The following PRELID2 variants were observed in gnomAD, a reference collection of about 807,000 sequenced individuals.
The protein encoded by PRELID2 is PRELI domain containing 2.
A neutral mutation model predicts 28.4 loss-of-function variants in PRELID2; 25 were observed. The observed-to-expected ratio is 0.88, with a 90% CI of 0.64 to 1.23. The LOEUF is 1.23. Among genes scored for constraint, PRELID2 ranks in the 50% most tolerant of loss-of-function variants. The probability of loss-of-function intolerance (pLI) is 0.00; values close to 1 mark genes in which losing one functional copy is unlikely to be tolerated. For synonymous variants in PRELID2, 76 were observed against 71.6 expected, an observed-to-expected ratio of 1.06 and a Z score of -0.31; for missense variants, 201 against 214.4, an observed-to-expected ratio of 0.94 and a Z score of 0.39.
chr5:145,441,080 A>C, the PRELID2 span: 1 of 152,104 alleles, frequency 6.6e-6, no homozygotes, highest in African/African-American at 2.4e-5. Flanking sequence ...CTTCTTGCAA[A>C]GACAAAAATG....
intron 1 of PRELID2, among the ~76,000 whole-genome samples, chr5:145,590,141 T>C (rs531938561): frequency 4.7e-4 from 72 of 152,290 alleles, no homozygotes; most frequent in African/African-American, 1.7e-3. Flanking sequence ...GGCTTTTTCT[T>C]ATTCTTAAAA....
chr5:145,373,792 A>T, the PRELID2 span, among the ~76,000 whole-genome samples: 41 of 73,472 alleles, frequency 5.6e-4, 1 homozygote, highest in East Asian at 1.7e-3. Flanking sequence ...TATATGATAT[A>T]ATATATTACA....
At position 145,790,701 on chromosome 5, in the gene PRELID2, T is replaced by TTGTGTGTGTGTG. The variant is rs148531864; in HGVS notation, c.474+5729_474+5740dup. Among the ~76,000 whole-genome samples the TTGTGTGTGTGTG allele has an allele frequency of 9.6e-3, 1,012 of 104,890 alleles. 13 individuals are homozygous for TTGTGTGTGTGTG. The highest frequency in any genetic ancestry group is 0.014 in the Admixed American group (125 of 9,124). The allele number at this position is 104,890 out of a possible 152,430, so 68.8% of individuals were successfully genotyped here. On this transcript the variant is annotated intron_variant, in intron 5 of 6. Transcript: ENST00000683046. ...ATAAGCTTGAATTAATAATTCCACA[T>TTGTGTGTGTGTG]TGTGTGTGTGTGTGTGTGTGTATAT... is the stretch of plus-strand genomic sequence containing the variant.
the PRELID2 span, among the ~76,000 whole-genome samples, chr5:145,457,212 C>G: frequency 6.6e-6 from 1 of 152,058 alleles, no homozygotes; most frequent in African/African-American, 2.4e-5. Context: ...CACTTACTCT[C>G]CATGTGACAC....
At position 145,492,993 on chromosome 5, in the gene PRELID2, C is replaced by T. The variant is rs1752281188; in HGVS notation, n.71-19678G>A. Among the ~76,000 whole-genome samples the T allele has an allele frequency of 1.4e-5, 2 of 140,634 alleles. 1 individual carries two copies. The highest frequency in any genetic ancestry group is 1.4e-4 in the Admixed American group (2 of 14,002). 92.3% of individuals were successfully genotyped at this position (140,634 alleles called of 152,430 possible). A position where few individuals can be genotyped will look rare whatever the true frequency, so the allele number is the denominator to read the frequency against. On this transcript the variant is annotated intron_variant and non_coding_transcript_variant, in intron 1 of 2. Transcript: ENST00000510259. Reference sequence around the variant, plus strand: ...TTCTGTATTCACTTCCCTCTCTTTGCCCCAAGCTGATGGTATCTCTCTCAG... The same window carrying T: ...TTCTGTATTCACTTCCCTCTCTTTGTCCCAAGCTGATGGTATCTCTCTCAG...
chr5:145,545,608 C>T (rs1239045780), intron 1 of PRELID2, among the ~76,000 whole-genome samples: 1 of 152,060 alleles, frequency 6.6e-6, no homozygotes. Context: ...CGATCTAGCA[C>T]CATTTTTAAA....
the PRELID2 span, among the ~76,000 whole-genome samples, chr5:145,285,019 A>G: frequency 2.2e-3 from 333 of 152,242 alleles, 2 homozygotes; most frequent in African/African-American, 7.7e-3. Context: ...CATCTTCACA[A>G]CAACTCTGAG....
At chr5:145,426,163 T>C in the PRELID2 span, among the ~76,000 whole-genome samples, 118 of 152,324 alleles carry the variant, frequency 7.7e-4, no homozygotes, top group Non-Finnish European at 1.3e-3. Flanking sequence ...TTTAAAGTGA[T>C]CCTGTGGTTT....
intron 4 of PRELID2, among the ~76,000 whole-genome samples, chr5:145,804,885 T>C (rs1022488117): frequency 2.6e-5 from 4 of 152,192 alleles, no homozygotes; most frequent in African/African-American, 9.7e-5. Flanking sequence ...GAGGCTTGTC[T>C]TGGGATATCA....
chr5:145,454,821 G>A, the PRELID2 span, among the ~76,000 whole-genome samples: 5 of 151,992 alleles, frequency 3.3e-5, no homozygotes, highest in Non-Finnish European at 5.9e-5. Flanking sequence ...CTTTTTGATG[G>A]GATTGTTTGC....
At chr5:145,816,966 C>A (rs549899391) in intron 4 of PRELID2, among the ~76,000 whole-genome samples, 1 of 151,736 alleles carries the variant, frequency 6.6e-6, no homozygotes, top group East Asian at 1.9e-4. Context: ...TTGAGACCAG[C>A]CTGGGCAACA....
intron 1 of PRELID2, among the ~76,000 whole-genome samples, chr5:145,745,432 A>G (rs1028568700): frequency 6.6e-6 from 1 of 152,194 alleles, no homozygotes; most frequent in Admixed American, 6.5e-5. Flanking sequence ...GTTGAAATGA[A>G]GGAAAAAATG....
At chr5:145,683,233 C>T (rs1754972322) in intron 1 of PRELID2, among the ~76,000 whole-genome samples, 1 of 152,076 alleles carries the variant, frequency 6.6e-6, no homozygotes. Flanking sequence ...CCTGAGTTCT[C>T]CCATTTGCAA....
the PRELID2 span, among the ~76,000 whole-genome samples, chr5:145,426,966 G>A: frequency 2.4e-4 from 37 of 152,288 alleles, no homozygotes; most frequent in African/African-American, 7.9e-4. Context: ...AGGCTTTTTT[G>A]TTCGGCAACT....
rs1019945525 is a variant in PRELID2 at position 145,548,085 on chromosome 5, A to G, written n.71-74770T>C. Among the ~76,000 whole-genome samples the G allele has an allele frequency of 6.9e-4, 105 of 152,340 alleles. 1 individual carries two copies. The highest frequency in any genetic ancestry group is 2.4e-3 in the African/African-American group (101 of 41,582). On this transcript the variant is annotated intron_variant and non_coding_transcript_variant, in intron 1 of 2. Transcript: ENST00000510259. ...GAGAGAGTTTCTCAAGCTAAGAGAA[A>G]GCACAAATCACAGAACTGAGAATTA...
chr5:145,683,034 A>T (rs1237103622), intron 1 of PRELID2, among the ~76,000 whole-genome samples: 1 of 152,186 alleles, frequency 6.6e-6, no homozygotes, highest in Non-Finnish European at 1.5e-5. Context: ...AAGACCAGAG[A>T]GCCACAGAGA....
chr5:145,406,815 C>T, the PRELID2 span, among the ~76,000 whole-genome samples: 1 of 152,262 alleles, frequency 6.6e-6, no homozygotes, highest in Non-Finnish European at 1.5e-5. Context: ...ATCTGAAAAT[C>T]CAGACCACAG....
intron 1 of PRELID2, among the ~76,000 whole-genome samples, chr5:145,707,894 C>T (rs915221575): frequency 1.5e-4 from 23 of 152,152 alleles, no homozygotes; most frequent in African/African-American, 5.1e-4. Flanking sequence ...TGGGAGACAC[C>T]CAGCATGCTG....
chr5:145,316,238 A>C, the PRELID2 span, among the ~76,000 whole-genome samples: 4 of 152,350 alleles, frequency 2.6e-5, no homozygotes, highest in East Asian at 3.9e-4. Flanking sequence ...AATGTAGAGT[A>C]AACTTTAAAA....
Sources: gnomAD v4.1 joint callset for allele counts (sites outside exome capture counted in the v4.1 genomes callset) on GRCh38, gnomAD v4.1.1 for gene constraint, MANE v1.5 for transcripts, NCBI Gene and HGNC (gene_info 2026-07-23, HGNC 2026-07-21) for gene names.